DAGLB: variants seen among roughly 807,000 people sequenced by gnomAD.
DAGLB encodes diacylglycerol lipase-beta.
Under a neutral mutation model 72.1 loss-of-function variants are expected in DAGLB, and 66 were observed. The ratio of observed to expected loss-of-function variants is 0.92; its 90% CI spans 0.75 to 1.12. The LOEUF is 1.12. DAGLB is among the 50% of genes most tolerant of loss of function. The pLI, the probability that DAGLB is intolerant of heterozygous loss-of-function variation, is 0.00. For missense variants in DAGLB, 1,065 were observed against 884.9 expected, an observed-to-expected ratio of 1.20 and a Z score of -2.58; for synonymous variants, 414 against 359.5, an observed-to-expected ratio of 1.15 and a Z score of -1.71.
intron 2 of DAGLB, among the ~76,000 whole-genome samples, chr7:6,442,034 CGACGATAAAT>C (rs1194767585): frequency 6.6e-6 from 1 of 152,026 alleles, no homozygotes; most frequent in East Asian, 1.9e-4. Context: ...GCCAGGAGAG[CGACGATAAAT>C]GGCTTTTGGA....
Position 6,410,012 on chromosome 7 carries a change from T to C in DAGLB, c.1844A>G (p.His615Arg), listed in dbSNP as rs1562475962. ...SGRFGCCSAA[H>R]YSAKWSHEAE... Reference sequence around the variant, plus strand: ...TTCGTGTGACCACTTGGCGCTATAGTGAGCAGCAGAGCAGCAGCCAAACCT... The same window carrying C: ...TTCGTGTGACCACTTGGCGCTATAGCGAGCAGCAGAGCAGCAGCCAAACCT... The change falls in exon 15 of 15, where the codon CAC (histidine) becomes CGC (arginine). Residue 615 changes from histidine (H) to arginine (R), a missense_variant. Physicochemically the swap from His to Arg is conservative, Grantham distance 29. Coordinates refer to ENST00000297056, the MANE Select transcript of DAGLB (RefSeq NM_139179.4). The C allele has an allele frequency of 6.2e-7, 1 of 1,613,788 alleles. No homozygotes were observed. The highest frequency in any genetic ancestry group is 8.5e-7 in the Non-Finnish European group (1 of 1,179,824).
At chr7:6,419,149 GTAGC>G (rs1257834943) in intron 9 of DAGLB, among the ~76,000 whole-genome samples, 5 of 145,490 alleles carry the variant, frequency 3.4e-5, no homozygotes, top group African/African-American at 1.3e-4. Flanking sequence ...AGCCACCTGA[GTAGC>G]TGGAATTACA....
At chr7:6,430,790 T>TA (rs1353376240) in intron 5 of DAGLB, among the ~76,000 whole-genome samples, 183 bp from the exon 6 acceptor site, 3 of 152,024 alleles carry the variant, frequency 2.0e-5, no homozygotes, top group African/African-American at 7.2e-5. Context: ...CCTCATTTTT[T>TA]TTTTTTTTTA....
In DAGLB at chr7:6,410,304, C is replaced by G. The variant is rs377599203; in HGVS notation, c.1646G>C (p.Gly549Ala). The G allele has an allele frequency of 7.4e-6, 12 of 1,613,934 alleles. No individual in the cohort carries two copies. The African/African-American group carries it at 1.6e-4, about 22-fold the overall frequency. The change falls in exon 14 of 15, where the codon GGG becomes GCG. Residue 549 changes from glycine (G) to alanine (A), a missense_variant. Physicochemically the swap from Gly to Ala is moderately conservative, Grantham distance 60. Transcript: ENST00000297056. ...CTGTGTCAGGACTTCCTGGTCGCCCCCGTCCAGCTCCGTGGGCAAGTTGTT... is the reference window on the plus strand; with the variant it reads ...CTGTGTCAGGACTTCCTGGTCGCCCGCGTCCAGCTCCGTGGGCAAGTTGTT... ...NPNNLPTELD[G>A]GDQEVLTQPL...
At position 6,447,859 on chromosome 7, in the gene DAGLB, C is replaced by A; in HGVS notation, c.-17G>T. 1.2e-6 allele frequency: 2 copies of A among 1,603,624 alleles called. No individual in the cohort carries two copies. Among genetic ancestry groups the A allele is most frequent in the South Asian group, 1.1e-5 (1 of 89,496 alleles). On this transcript the variant is annotated 5_prime_UTR_variant, in exon 1 of 15. Transcript: ENST00000297056. ...CCCCGGCATGGCGAAGGTCCCGTAG[C>A]TCGCACTCAGGAGAGACCCCGCGCG...
chr7:6,413,713 C>A (rs1297356388), intron 11 of DAGLB, among the ~76,000 whole-genome samples: 1 of 152,158 alleles, frequency 6.6e-6, no homozygotes, highest in African/African-American at 2.4e-5. Flanking sequence ...GAACCTGCAC[C>A]GGCAGAGGCT....
intron 3 of DAGLB, 69 bp from the exon 4 acceptor site, chr7:6,435,089 C>G: frequency 1.3e-6 from 2 of 1,575,580 alleles, no homozygotes; most frequent in Non-Finnish European, 1.7e-6. Context: ...GTCCGGGGTC[C>G]CTCCTCCAGG....
rs758391168 is a variant in DAGLB, at chr7:6,413,001, G to C, written c.1461C>G (p.Ile487Met). The change falls in exon 12 of 15, where the codon ATC (isoleucine) becomes ATG (methionine). Residue 487 changes from isoleucine to methionine, a missense_variant. Ile to Met is a conservative substitution (Grantham distance 10, BLOSUM62 1). Transcript: ENST00000297056. ...CATCCTTCCCCAGGACGAGTGACAC[G>C]ATGAAGCTCTGAGAATATTCCTGCA... ...KALQEYSQSF[I>M]VSLVLGKDVI... is the part of the protein sequence containing the mutation. The C allele has an allele frequency of 1.4e-4, 218 of 1,613,774 alleles. No homozygotes were observed. The highest frequency in any genetic ancestry group is 1.8e-4 in the Non-Finnish European group (208 of 1,179,922).
chr7:6,437,635 C>G (rs965370877), intron 2 of DAGLB, among the ~76,000 whole-genome samples: 2 of 151,852 alleles, frequency 1.3e-5, no homozygotes, highest in Admixed American at 1.3e-4. Flanking sequence ...TTTTTGTGGG[C>G]GTTTTTTGGT....
At chr7:6,438,177 G>C (rs1310939764) in intron 2 of DAGLB, among the ~76,000 whole-genome samples, 1 of 151,830 alleles carries the variant, frequency 6.6e-6, no homozygotes, top group Admixed American at 6.6e-5. Flanking sequence ...CACAGGGTGG[G>C]GAACATCACA....
chr7:6,421,974 C>G, intron 8 of DAGLB, 170 bp from the exon 9 acceptor site: 1 of 754,668 alleles, frequency 1.3e-6, no homozygotes, highest in Non-Finnish European at 2.3e-6. Flanking sequence ...CCAGCGGTGG[C>G]TCCTGAGGGC....
chr7:6,419,291 C>T (rs1410513813), intron 9 of DAGLB, among the ~76,000 whole-genome samples: 1 of 152,000 alleles, frequency 6.6e-6, no homozygotes, highest in Non-Finnish European at 1.5e-5. Flanking sequence ...CCACTGCACC[C>T]GGCCCTGACA....
At chr7:6,427,968 C>T (rs1247983399) in intron 6 of DAGLB, among the ~76,000 whole-genome samples, 1 of 152,058 alleles carries the variant, frequency 6.6e-6, no homozygotes, top group Non-Finnish European at 1.5e-5. Context: ...TCTATAAATC[C>T]ATATTGACAG....
intron 9 of DAGLB, among the ~76,000 whole-genome samples, chr7:6,418,915 CG>C (rs1784013429): frequency 6.6e-6 from 1 of 152,018 alleles, no homozygotes; most frequent in Admixed American, 6.6e-5. Flanking sequence ...CCACCCGCCT[CG>C]GCCTCCCAAA....
At chr7:6,427,469 C>T (rs1562484017) in intron 6 of DAGLB, among the ~76,000 whole-genome samples, 1 of 152,046 alleles carries the variant, frequency 6.6e-6, no homozygotes, top group Non-Finnish European at 1.5e-5. Flanking sequence ...GCAAAACTGT[C>T]TCTAAAAAGA....
rs767876802 is a variant in DAGLB, at chr7:6,441,890, C to CGA, written c.247+4061_247+4062dup. 3.7e-4 allele frequency among the ~76,000 whole-genome samples: 56 copies of CGA among 152,226 alleles called. No individual in the cohort carries two copies. In the South Asian group the frequency reaches 8.9e-3, roughly 24 times the overall value. On this transcript the variant is annotated intron_variant, in intron 2 of 14. Transcript: ENST00000297056. ...GCAGGAAGGGCCACAATGACTCGAG[C>CGA]GACTGAGTGCAGAAGCAAGACGGCA...
intron 2 of DAGLB, among the ~76,000 whole-genome samples, chr7:6,441,477 G>T (rs1784831511): frequency 6.7e-6 from 1 of 149,670 alleles, no homozygotes. Flanking sequence ...GAGTGCAATG[G>T]CGCGATCTCG....
chr7:6,437,469 T>C (rs1784702271), intron 2 of DAGLB, among the ~76,000 whole-genome samples: 1 of 152,132 alleles, frequency 6.6e-6, no homozygotes, highest in Admixed American at 6.6e-5. Flanking sequence ...TCTCACTCTC[T>C]TGCCCAGGCT....
Position 6,446,071 on chromosome 7 carries a change from G to C in DAGLB, c.129C>G (p.His43Gln). ...WIGILTLYLM[H>Q]RGKLDCAGGA... ...CACCAGCACAGTCCAGCTTTCCTCT[G>C]TGCATGAGATACAACGTCAGAATGC... Residue 43 changes from histidine (H) to glutamine (Q), a missense_variant, in exon 2 of 15, where the codon CAC becomes CAG. His to Gln is a conservative substitution (Grantham distance 24, BLOSUM62 0). Coordinates refer to ENST00000297056, the MANE Select transcript of DAGLB (RefSeq NM_139179.4). The C allele has an allele frequency of 6.2e-7, 1 of 1,604,324 alleles. No homozygotes were observed. The highest frequency in any genetic ancestry group is 1.4e-5 in the African/African-American group (1 of 73,892).
Sources: allele counts gnomAD v4.1 joint callset (sites outside exome capture counted in the v4.1 genomes callset), GRCh38; gene constraint gnomAD v4.1.1; transcripts MANE v1.5; gene names NCBI Gene and HGNC (gene_info 2026-07-23, HGNC 2026-07-21).